PLEKHH2: variants seen among roughly 807,000 people sequenced by gnomAD.
The protein encoded by PLEKHH2 is pleckstrin homology, MyTH4 and FERM domain containing H2.
A neutral mutation model predicts 187.9 loss-of-function variants in PLEKHH2; 129 were observed. The observed-to-expected ratio is 0.69, with a 90% confidence interval of 0.59 to 0.79. The LOEUF (loss-of-function observed/expected upper bound fraction) is 0.79. Among genes scored for constraint, PLEKHH2 ranks in the 30% least tolerant of loss-of-function variants. The probability of loss-of-function intolerance (pLI) is 0.00; values close to 1 mark genes in which losing one functional copy is unlikely to be tolerated. For synonymous variants in PLEKHH2, 686 were observed against 605.6 expected (o/e 1.13, Z -1.95); for missense variants, 2,076 against 1,751.2 (o/e 1.19, Z -3.31).
Position 43,764,230 on chromosome 2 carries a change from G to A in PLEKHH2, c.4161G>A (p.Arg1387=), listed in dbSNP as rs765129478. The part of the protein sequence containing the change: ...GLSLLEYNSM[R]LIVSYVYKSL... Reference sequence around the variant, plus strand: ...TATACTTTTTCTTATCTTTAAAGAGGTTAATAGTCAGCTATGTGTACAAGA... The same window carrying A: ...TATACTTTTTCTTATCTTTAAAGAGATTAATAGTCAGCTATGTGTACAAGA... Residue 1387 remains arginine, a splice_region_variant and synonymous_variant, in exon 29 of 30, where the codon AGG becomes AGA. Transcript: ENST00000282406. The A allele has an allele frequency of 3.4e-6, 5 of 1,482,114 alleles. No individual in the cohort carries two copies. Among genetic ancestry groups the A allele is most frequent in the Non-Finnish European group, 4.5e-6 (5 of 1,110,418 alleles). The allele number at this position is 1,482,114 out of a possible 1,614,324, so 91.8% of individuals were successfully genotyped here.
rs1670739441 is a variant in PLEKHH2, at chr2:43,726,266, C to G, written c.2542-6C>G. On this transcript the variant is annotated splice_region_variant and splice_polypyrimidine_tract_variant and intron_variant, in intron 16 of 29. Coordinates refer to ENST00000282406, the MANE Select transcript of PLEKHH2 (RefSeq NM_172069.4). ...CCTTCCTCACAATTACTAATATTTA[C>G]TTTAGTTTCCTTTAGGTCAGATCAA... 1 of 1,582,854 alleles carries G rather than the reference C, an allele frequency of 6.3e-7. No individual in the cohort carries two copies. Among genetic ancestry groups the G allele is most frequent in the South Asian group, 1.1e-5 (1 of 89,286 alleles).
intron 1 of PLEKHH2, among the ~76,000 whole-genome samples, chr2:43,640,093 A>T (rs1464857568): frequency 6.6e-6 from 1 of 151,980 alleles, no homozygotes; most frequent in African/African-American, 2.4e-5. Flanking sequence ...TTGGCATATG[A>T]CCCCATCCCT....
chr2:43,695,170 T>G lies in PLEKHH2; in HGVS notation c.448T>G (p.Leu150Val). 1 of 1,598,786 alleles carries G rather than the reference T, an allele frequency of 6.3e-7. No homozygotes were observed. The highest frequency in any genetic ancestry group is 8.5e-7 in the Non-Finnish European group (1 of 1,170,332). The part of the protein sequence containing the change: ...ELELENQNLR[L>V]INQNQTEEIR... ...GGAATTGGAGAATCAGAATCTTCGT[T>G]TGATCAACCAAAACCAAACTGAAGA... The change falls in exon 6 of 30, where the codon TTG (leucine) becomes GTG (valine). Residue 150 changes from leucine to valine, a missense_variant. Transcript: ENST00000282406.
At position 43,742,842 on chromosome 2, in the gene PLEKHH2, C is replaced by T; in HGVS notation, c.3323C>T (p.Ser1108Leu). 1 of 1,609,804 alleles carries T rather than the reference C, an allele frequency of 6.2e-7. No individual in the cohort carries two copies. The change falls in exon 22 of 30, where the codon TCA becomes TTA. Residue 1108 changes from serine to leucine, a missense_variant. Physicochemically the swap from Ser to Leu is moderately radical, Grantham distance 145. Coordinates refer to ENST00000282406, the MANE Select transcript of PLEKHH2 (RefSeq NM_172069.4). The part of the protein sequence containing the change: ...EARPSRMEIL[S>L]TLLRNPYHHS... ...AGACCCTCAAGGATGGAAATTCTTT[C>T]AACTCTTCTCCGAAACCCTTATCAC...
chr2:43,645,906 G>A (rs1431757066), intron 2 of PLEKHH2, among the ~76,000 whole-genome samples: 1 of 152,074 alleles, frequency 6.6e-6, no homozygotes, highest in Non-Finnish European at 1.5e-5. Flanking sequence ...ATTGGTACAT[G>A]TATCATATCT....
chr2:43,685,175 C>T (rs1486826143), intron 3 of PLEKHH2, among the ~76,000 whole-genome samples: 1 of 152,166 alleles, frequency 6.6e-6, no homozygotes, highest in African/African-American at 2.4e-5. Context: ...CTCATTCAAC[C>T]ATGTCCTAAG....
At chr2:43,648,084 G>A (rs549539430) in intron 2 of PLEKHH2, among the ~76,000 whole-genome samples, 1 of 152,264 alleles carries the variant, frequency 6.6e-6, no homozygotes, top group African/African-American at 2.4e-5. Context: ...CAGAGCTGCC[G>A]TTAGACCGTA....
At position 43,681,085 on chromosome 2, in the gene PLEKHH2, A is replaced by T; in HGVS notation, c.186+2160A>T. ...TTCCAATCTACTGTTCCACTATTTG[A>T]ATGCCAACCAACTCCAGAATTACTA... On this transcript the variant is annotated intron_variant, in intron 3 of 29. Transcript: ENST00000282406. The T allele has an allele frequency of 7.8e-6, 9 of 1,148,474 alleles. 1 individual carries two copies. The South Asian group carries it at 8.3e-5, about 11-fold the overall frequency. The allele number at this position is 1,148,474 out of a possible 1,614,324, so 71.1% of individuals were successfully genotyped here. A position where few individuals can be genotyped will look rare whatever the true frequency, so the allele number is the denominator to read the frequency against.
intron 16 of PLEKHH2, among the ~76,000 whole-genome samples, chr2:43,723,593 A>G (rs963235469): frequency 2.0e-5 from 3 of 152,222 alleles, no homozygotes; most frequent in Non-Finnish European, 4.4e-5. Context: ...TATCTTTCAT[A>G]TAGGCGTTAT....
intron 17 of PLEKHH2, among the ~76,000 whole-genome samples, chr2:43,727,404 C>G (rs1040410894): frequency 3.5e-5 from 1 of 28,362 alleles, no homozygotes; most frequent in African/African-American, 4.3e-4. Context: ...GAGCGAGACT[C>G]CGTCTCAAAA....
chr2:43,652,397 G>C (rs1386334417), intron 2 of PLEKHH2, among the ~76,000 whole-genome samples: 1 of 152,148 alleles, frequency 6.6e-6, no homozygotes, highest in Non-Finnish European at 1.5e-5. Context: ...CCTTATTCTA[G>C]GCTATGCTAT....
chr2:43,734,617 T>A (rs939686598), intron 19 of PLEKHH2, among the ~76,000 whole-genome samples: 80 of 152,282 alleles, frequency 5.3e-4, no homozygotes, highest in African/African-American at 1.7e-3. Context: ...CTGTGAAGGA[T>A]GCAGAGAAAG....
At chr2:43,680,026 G>A (rs1668088614) in intron 3 of PLEKHH2, among the ~76,000 whole-genome samples, 1 of 151,750 alleles carries the variant, frequency 6.6e-6, no homozygotes, top group South Asian at 2.1e-4. Context: ...GGGTCTTCCA[G>A]CATTAAAATG....
chr2:43,675,934 T>G (rs1667743600), intron 2 of PLEKHH2: 1 of 1,614,022 alleles, frequency 6.2e-7, no homozygotes, highest in East Asian at 2.2e-5. Context: ...GTCACCATAC[T>G]TTTCAAAGAC....
intron 25 of PLEKHH2, among the ~76,000 whole-genome samples, chr2:43,754,430 C>G (rs1029651574): frequency 6.6e-6 from 1 of 151,994 alleles, no homozygotes; most frequent in Admixed American, 6.6e-5. Flanking sequence ...AGGGCATGCT[C>G]TCCCGCACTT....
At chr2:43,683,356 C>G (rs549351365) in intron 3 of PLEKHH2, among the ~76,000 whole-genome samples, 5 of 152,098 alleles carry the variant, frequency 3.3e-5, no homozygotes, top group South Asian at 4.2e-4. Context: ...TCGGGCTGGT[C>G]TCAAACTCCT....
At chr2:43,748,632 G>C (rs1671876015) in intron 24 of PLEKHH2, among the ~76,000 whole-genome samples, 1 of 152,218 alleles carries the variant, frequency 6.6e-6, no homozygotes, top group African/African-American at 2.4e-5. Flanking sequence ...ACACGTGCTG[G>C]GTTTTGAGAA....
intron 24 of PLEKHH2, among the ~76,000 whole-genome samples, chr2:43,751,441 A>G (rs1335969934): frequency 6.6e-6 from 1 of 152,242 alleles, no homozygotes; most frequent in Non-Finnish European, 1.5e-5. Flanking sequence ...AACAGTAGGA[A>G]ATAAATGCTC....
chr2:43,710,564 C>G lies in PLEKHH2; in HGVS notation c.2290C>G (p.Gln764Glu). 2 of 1,447,670 alleles carry G rather than the reference C, an allele frequency of 1.4e-6. No homozygotes were observed. Among genetic ancestry groups the G allele is most frequent in the Non-Finnish European group, 1.9e-6 (2 of 1,061,812 alleles). 89.7% of individuals were successfully genotyped at this position (1,447,670 alleles called of 1,614,324 possible). Residue 764 changes from glutamine (Q) to glutamate (E), a missense_variant, in exon 14 of 30, where the codon CAA (glutamine) becomes GAA (glutamate). Coordinates refer to ENST00000282406, the MANE Select transcript of PLEKHH2 (RefSeq NM_172069.4). ...SCSILRGDNK[Q>E]TVQLTTEKHT... ...TAGTATTTTAAGAGGAGATAACAAA[C>G]AAACAGTTCAGGTACTTAACTTTTT...
Sources: allele counts gnomAD v4.1 joint callset (sites outside exome capture counted in the v4.1 genomes callset), GRCh38; gene constraint gnomAD v4.1.1; transcripts MANE v1.5; gene names NCBI Gene and HGNC (gene_info 2026-07-23, HGNC 2026-07-21).